The following RANBP17 variants were observed in gnomAD, a reference collection of about 807,000 sequenced individuals.
RANBP17 encodes ran-binding protein 17.
A neutral mutation model predicts 141.2 loss-of-function variants in RANBP17; 158 were observed. The observed-to-expected ratio is 1.12, with a 90% confidence interval of 0.98 to 1.28. The LOEUF is 1.28. Ranked by LOEUF, RANBP17 falls within the 50% of genes most tolerant of loss-of-function variation. The pLI is 0.00. For synonymous variants in RANBP17, 430 were observed against 450.0 expected, an observed-to-expected ratio of 0.96 and a Z score of 0.56; for missense variants, 1,438 against 1,290.7, an observed-to-expected ratio of 1.11 and a Z score of -1.75.
At chr5:170,936,315 C>G (rs1383166107) in intron 12 of RANBP17, among the ~76,000 whole-genome samples, 2 of 152,134 alleles carry the variant, frequency 1.3e-5, no homozygotes, top group Non-Finnish European at 2.9e-5. Flanking sequence ...GAGATGAATC[C>G]GGTACCTCAG....
intron 3 of RANBP17, among the ~76,000 whole-genome samples, chr5:170,886,439 G>T (rs1392256513): frequency 6.6e-6 from 1 of 151,976 alleles, no homozygotes; most frequent in Non-Finnish European, 1.5e-5. Context: ...TGTAGATAAG[G>T]GCAGTCCTGA....
In RANBP17 at chr5:171,186,526, C is replaced by CTTTTTT. The variant is rs757585137; in HGVS notation, c.2038+3119_2038+3124dup. Among the ~76,000 whole-genome samples, 216 of 41,666 alleles carry CTTTTTT rather than the reference C, an allele frequency of 5.2e-3. 69 individuals are homozygous for CTTTTTT. Among genetic ancestry groups the CTTTTTT allele is most frequent in the East Asian group, 8.0e-3 (9 of 1,122 alleles). The allele number at this position is 41,666 out of a possible 152,430, so 27.3% of individuals were successfully genotyped here. A position where few individuals can be genotyped will look rare whatever the true frequency, so the allele number is the denominator to read the frequency against. ...GAAATGTTATCACTGGTATGATTTT[C>CTTTTTT]TTTTTTTTTTTTTTTTTTTTTTTTT... On this transcript the variant is annotated intron_variant, in intron 18 of 27. Transcript: ENST00000523189.
In RANBP17 at chr5:170,897,631, G is replaced by C. The variant is rs186970508; in HGVS notation, c.489+1516G>C. Among the ~76,000 whole-genome samples the C allele has an allele frequency of 3.2e-3, 483 of 149,866 alleles. 4 individuals carry two copies. Among genetic ancestry groups the C allele is most frequent in the Middle Eastern group, 0.024 (7 of 294 alleles). Reference sequence around the variant, plus strand: ...CGTGTCCATGTGATCTCATTGTTCAGCTCTCACTTATGAGTAAGAACATGC... The same window carrying C: ...CGTGTCCATGTGATCTCATTGTTCACCTCTCACTTATGAGTAAGAACATGC... On this transcript the variant is annotated intron_variant, in intron 5 of 27. Coordinates refer to ENST00000523189, the MANE Select transcript of RANBP17 (RefSeq NM_022897.5).
At chr5:171,256,788 A>G in intron 24 of RANBP17, among the ~76,000 whole-genome samples, 1 of 152,152 alleles carries the variant, frequency 6.6e-6, no homozygotes, top group Non-Finnish European at 1.5e-5. Context: ...TGATATGCCC[A>G]CCAACTAGAA....
At chr5:171,058,847 T>C (rs1252537385) in intron 14 of RANBP17, among the ~76,000 whole-genome samples, 6 of 149,376 alleles carry the variant, frequency 4.0e-5, no homozygotes, top group East Asian at 3.9e-4. Flanking sequence ...TTTTAATGAT[T>C]GCCATTCTAA....
Position 171,242,935 on chromosome 5 carries a change from A to G in RANBP17, c.2776+115A>G. On this transcript the variant is annotated intron_variant, in intron 24 of 27. Coordinates refer to ENST00000523189, the MANE Select transcript of RANBP17 (RefSeq NM_022897.5). ...GGGGGAAAAGATATTGTGAACCCAA[A>G]CTGAAAGATTATAATTATTACTTGC... The G allele has an allele frequency of 3.3e-6, 3 of 922,156 alleles. No individual in the cohort carries two copies. In the South Asian group the frequency reaches 4.7e-5, roughly 14 times the overall value. 57.1% of individuals were successfully genotyped at this position (922,156 alleles called of 1,614,324 possible).
intron 14 of RANBP17, among the ~76,000 whole-genome samples, chr5:171,016,778 T>G (rs528260735): frequency 6.6e-6 from 1 of 152,180 alleles, no homozygotes; most frequent in Non-Finnish European, 1.5e-5. Flanking sequence ...ATGCATTTTT[T>G]TATGTCTTCT....
chr5:171,262,667 T>C (rs1452426936), intron 24 of RANBP17, among the ~76,000 whole-genome samples: 4 of 152,206 alleles, frequency 2.6e-5, no homozygotes, highest in Non-Finnish European at 4.4e-5. Context: ...TCTGCTCTTT[T>C]AGCTACTCAA....
chr5:170,937,505 G>C (rs1180530099), intron 12 of RANBP17, among the ~76,000 whole-genome samples: 1 of 152,172 alleles, frequency 6.6e-6, no homozygotes, highest in Non-Finnish European at 1.5e-5. Context: ...TTTGGACATT[G>C]AGGATCATTT....
rs536879671 is a variant in RANBP17 at position 171,004,347 on chromosome 5, G to C, written c.1710+35970G>C. 2.6e-5 allele frequency among the ~76,000 whole-genome samples: 4 copies of C among 152,172 alleles called. No homozygotes were observed. In the South Asian group the frequency reaches 6.2e-4, roughly 24 times the overall value. ...GAATAATCAGGGAAGCAGATAATTC[G>C]GTTAAAATGTCTCAGTCTAATAAGG... On this transcript the variant is annotated intron_variant, in intron 14 of 27. Transcript: ENST00000523189.
intron 3 of RANBP17, among the ~76,000 whole-genome samples, chr5:170,886,836 T>A (rs1769206050): frequency 1.3e-5 from 2 of 151,262 alleles, no homozygotes; most frequent in Admixed American, 6.6e-5. Context: ...AGTTTTTGTA[T>A]TTTTTTTCTA....
chr5:170,942,158 T>A (rs1051971273), intron 12 of RANBP17, among the ~76,000 whole-genome samples: 2 of 152,158 alleles, frequency 1.3e-5, no homozygotes, highest in African/African-American at 4.8e-5. Context: ...ATGTGTATAA[T>A]GCCTGATGAC....
intron 14 of RANBP17, among the ~76,000 whole-genome samples, chr5:170,985,344 A>T (rs79326456): frequency 0.017 from 2,660 of 152,290 alleles, 71 homozygotes; most frequent in African/African-American, 0.06. Flanking sequence ...AGGTCCTGGA[A>T]TGTATTTTCC....
chr5:171,180,588 A>G (rs1760805872), intron 16 of RANBP17, among the ~76,000 whole-genome samples: 1 of 152,208 alleles, frequency 6.6e-6, no homozygotes, highest in South Asian at 2.1e-4. Flanking sequence ...ATCAGAGTGT[A>G]AAGATCATAA....
intron 14 of RANBP17, among the ~76,000 whole-genome samples, chr5:171,020,724 C>T (rs1159219670): frequency 1.3e-5 from 2 of 152,112 alleles, no homozygotes; most frequent in South Asian, 2.1e-4. Context: ...TTGACTCTAT[C>T]CAGTTTGCCG....
chr5:171,250,080 A>G (rs1765460909), intron 24 of RANBP17, among the ~76,000 whole-genome samples: 2 of 152,364 alleles, frequency 1.3e-5, no homozygotes, highest in South Asian at 4.1e-4. Context: ...GAGAAGCTTT[A>G]CAGGCCAGAA....
At chr5:171,005,647 G>C (rs1307925323) in intron 14 of RANBP17, among the ~76,000 whole-genome samples, 22 of 152,148 alleles carry the variant, frequency 1.4e-4, no homozygotes, top group Non-Finnish European at 2.4e-4. Flanking sequence ...AACCCTAGAA[G>C]AAAACCTAGG....
chr5:171,094,121 C>G (rs998515348), intron 14 of RANBP17, among the ~76,000 whole-genome samples: 1 of 152,154 alleles, frequency 6.6e-6, no homozygotes. Flanking sequence ...AAAGGAGACT[C>G]AGGTTCTGAA....
At chr5:171,089,640 G>T (rs568182306) in intron 14 of RANBP17, among the ~76,000 whole-genome samples, 110 of 152,304 alleles carry the variant, frequency 7.2e-4, no homozygotes, top group Non-Finnish European at 1.3e-3. Context: ...CTCCGAGCCA[G>T]GTGTGGGATA....
Sources: allele counts gnomAD v4.1 joint callset (sites outside exome capture counted in the v4.1 genomes callset), GRCh38; gene constraint gnomAD v4.1.1; transcripts MANE v1.5; gene names NCBI Gene and HGNC (gene_info 2026-07-23, HGNC 2026-07-21).